The following AGBL4 variants were observed in gnomAD, a reference collection of about 807,000 sequenced individuals.
The protein encoded by AGBL4 is AGBL carboxypeptidase 4, also known as cytosolic carboxypeptidase 6.
In AGBL4, 58 loss-of-function variants were observed where a neutral mutation model predicts 66.4. That is an observed-to-expected ratio of 0.87 (90% CI 0.71 to 1.09). The LOEUF is 1.09. Ranked by LOEUF, AGBL4 falls within the 50% of genes least tolerant of loss-of-function variation. AGBL4 has a pLI of 0.00. For missense variants in AGBL4, 579 were observed against 631.0 expected (o/e 0.92, Z 0.88); for synonymous variants, 234 against 222.9 (o/e 1.05, Z -0.44).
chr1:48,891,522 C>T (rs1323437066), intron 5 of AGBL4, among the ~76,000 whole-genome samples: 2 of 152,162 alleles, frequency 1.3e-5, no homozygotes, highest in African/African-American at 4.8e-5. Flanking sequence ...ATAAAGAGAC[C>T]ACTTCAGTTT....
At chr1:48,911,846 C>T (rs541651439) in intron 5 of AGBL4, among the ~76,000 whole-genome samples, 8 of 152,236 alleles carry the variant, frequency 5.3e-5, no homozygotes, top group Middle Eastern at 3.4e-3. Context: ...AAAGTAATTT[C>T]TCCTTTTCCT....
intron 6 of AGBL4, among the ~76,000 whole-genome samples, chr1:48,665,783 T>G (rs1646176979): frequency 7.1e-6 from 1 of 141,728 alleles, no homozygotes; most frequent in Non-Finnish European, 1.6e-5. Context: ...TAAAAAAAAA[T>G]CACCAAGCCC....
At chr1:48,815,471 A>G (rs768577744) in intron 6 of AGBL4, among the ~76,000 whole-genome samples, 8 of 152,162 alleles carry the variant, frequency 5.3e-5, no homozygotes, top group Non-Finnish European at 1.0e-4. Context: ...GTCAGTAGGA[A>G]CTAATTTTGA....
intron 3 of AGBL4, among the ~76,000 whole-genome samples, chr1:49,449,366 A>G (rs1280404308): frequency 6.6e-6 from 1 of 152,050 alleles, no homozygotes; most frequent in Non-Finnish European, 1.5e-5. Context: ...TAATTAAGTC[A>G]CTCAAGATGG....
chr1:48,622,525 C>A (rs1452569196), intron 9 of AGBL4, among the ~76,000 whole-genome samples: 2 of 143,120 alleles, frequency 1.4e-5, no homozygotes, highest in African/African-American at 2.6e-5. Context: ...GCTCTGTCAC[C>A]CAGGCTGGAG....
intron 6 of AGBL4, among the ~76,000 whole-genome samples, chr1:48,862,839 A>G (rs1173540169): frequency 6.6e-6 from 1 of 152,200 alleles, no homozygotes; most frequent in African/African-American, 2.4e-5. Context: ...TAAAGTTCAA[A>G]GGAACATCCT....
In AGBL4 at chr1:49,972,078, C is replaced by T. The variant is rs1325821670; in HGVS notation, c.34+51685G>A. Among the ~76,000 whole-genome samples, 4 of 150,760 alleles carry T rather than the reference C, an allele frequency of 2.7e-5. No homozygotes were observed. The East Asian group carries it at 7.8e-4, about 29-fold the overall frequency. The stretch of plus-strand genomic sequence containing the variant: ...GACTACAGGTGCCTGCCACCACACC[C>T]GGCTAATTTTTTGTATTTTCAGTAG... On this transcript the variant is annotated intron_variant, in intron 1 of 13. Transcript: ENST00000371839.
At chr1:49,870,991 G>A (rs1461888385) in intron 1 of AGBL4, among the ~76,000 whole-genome samples, 2 of 152,092 alleles carry the variant, frequency 1.3e-5, no homozygotes, top group Non-Finnish European at 1.5e-5. Context: ...GCATTTGTGA[G>A]ACGTGGGGCC....
At chr1:48,620,969 T>C (rs1419898075) in intron 9 of AGBL4, among the ~76,000 whole-genome samples, 1 of 152,092 alleles carries the variant, frequency 6.6e-6, no homozygotes, top group Non-Finnish European at 1.5e-5. Flanking sequence ...ATTTTTTACT[T>C]CAGAGTCCTT....
intron 3 of AGBL4, among the ~76,000 whole-genome samples, chr1:49,521,463 A>T (rs1440152974): frequency 6.6e-6 from 1 of 152,030 alleles, no homozygotes; most frequent in East Asian, 1.9e-4. Flanking sequence ...CCACACACCT[A>T]TAGAACAGAA....
intron 1 of AGBL4, among the ~76,000 whole-genome samples, chr1:49,907,551 G>A (rs1650393117): frequency 1.3e-5 from 2 of 152,042 alleles, no homozygotes; most frequent in African/African-American, 4.8e-5. Context: ...ATTTCTAAGT[G>A]AAAGAAACCA....
intron 6 of AGBL4, among the ~76,000 whole-genome samples, chr1:48,843,927 TTTTGGTTACATATATTGAATATTATA>T (rs1025730714): frequency 7.2e-5 from 11 of 152,140 alleles, no homozygotes; most frequent in Non-Finnish European, 1.5e-4. Flanking sequence ...GATTCCCACA[TTTTGGTTACATATATTGAATATTATA>T]TTTCTTATAA....
At position 48,633,192 on chromosome 1, in the gene AGBL4, G is replaced by C. The variant is rs1024083462; in HGVS notation, c.951+1301C>G. 4.6e-5 allele frequency among the ~76,000 whole-genome samples: 7 copies of C among 152,196 alleles called. No individual in the cohort carries two copies. The South Asian group carries it at 1.4e-3, about 31-fold the overall frequency. On this transcript the variant is annotated intron_variant, in intron 9 of 13. Transcript: ENST00000371839. ...ATAGGAGGACCAAGATAACAGTTGAGTTTCATAGCCAAGAAAACTACATTG... is the reference window on the plus strand; with the variant it reads ...ATAGGAGGACCAAGATAACAGTTGACTTTCATAGCCAAGAAAACTACATTG...
chr1:49,964,269 G>T (rs1028683764), intron 1 of AGBL4, among the ~76,000 whole-genome samples: 1 of 151,980 alleles, frequency 6.6e-6, no homozygotes, highest in Non-Finnish European at 1.5e-5. Context: ...TCCTTCATCC[G>T]CCATTTACTG....
At chr1:48,776,378 G>C (rs1274554778) in intron 6 of AGBL4, among the ~76,000 whole-genome samples, 2 of 152,190 alleles carry the variant, frequency 1.3e-5, no homozygotes, top group African/African-American at 4.8e-5. Flanking sequence ...CTGACAGCGC[G>C]GGAGCTTCGG....
Position 49,417,867 on chromosome 1 carries a change from T to C in AGBL4, c.283-172003A>G, listed in dbSNP as rs970009638. ...AAGCTATGCAAAAGTGAAGGTTTTA[T>C]TGCAGCTTTAGAATTATGCATTTCA... On this transcript the variant is annotated intron_variant, in intron 3 of 13. Transcript: ENST00000371839. Among the ~76,000 whole-genome samples the C allele has an allele frequency of 5.3e-5, 8 of 152,288 alleles. No individual in the cohort carries two copies. In the South Asian group the frequency reaches 1.0e-3, roughly 20 times the overall value.
intron 2 of AGBL4, among the ~76,000 whole-genome samples, chr1:49,833,854 ACT>A (rs1408187269): frequency 2.0e-5 from 3 of 151,908 alleles, no homozygotes; most frequent in African/African-American, 7.3e-5. Flanking sequence ...GTATCCTGAG[ACT>A]CTGCTGAAGT....
intron 2 of AGBL4, among the ~76,000 whole-genome samples, chr1:49,766,687 C>G (rs1488582926): frequency 6.6e-6 from 1 of 150,794 alleles, no homozygotes; most frequent in African/African-American, 2.4e-5. Context: ...TTCAAGAAAC[C>G]TAGCTCACAC....
intron 3 of AGBL4, among the ~76,000 whole-genome samples, chr1:49,369,903 T>C (rs1644307708): frequency 6.6e-6 from 1 of 151,698 alleles, no homozygotes; most frequent in African/African-American, 2.4e-5. Context: ...AAATTCTCCA[T>C]AATGAAGGTG....
Sources: gnomAD v4.1 joint callset for allele counts (sites outside exome capture counted in the v4.1 genomes callset) on GRCh38, gnomAD v4.1.1 for gene constraint, MANE v1.5 for transcripts, NCBI Gene and HGNC (gene_info 2026-07-23, HGNC 2026-07-21) for gene names.